The following INPP4A variants were observed in gnomAD, a reference collection of about 807,000 sequenced individuals.
INPP4A encodes the protein inositol polyphosphate-4-phosphatase, type I, 107kD.
In INPP4A, 33 loss-of-function variants were observed where a neutral mutation model predicts 119.8. The observed-to-expected ratio is 0.28, with a 90% CI of 0.21 to 0.37. The LOEUF is 0.37. Ranked by LOEUF, INPP4A falls within the 10% of genes least tolerant of loss-of-function variation. INPP4A has a pLI of 1.00. For missense variants in INPP4A, 956 were observed against 1,289.9 expected, an observed-to-expected ratio of 0.74 and a Z score of 3.97; for synonymous variants, 496 against 500.7, an observed-to-expected ratio of 0.99 and a Z score of 0.12.
At chr2:98,461,764 C>A (rs1697192695) in intron 1 of INPP4A, among the ~76,000 whole-genome samples, 9 of 152,208 alleles carry the variant, frequency 5.9e-5, no homozygotes, top group Admixed American at 5.9e-4. Context: ...TGGTGCCATG[C>A]TGCGTGCTCG....
chr2:98,554,259 GTGCACCTGCAGACAC>G lies in INPP4A; in HGVS notation c.1348-11_1351del. 6.3e-7 allele frequency: 1 copy of G among 1,587,154 alleles called. No individual in the cohort carries two copies. Among genetic ancestry groups the G allele is most frequent in the Non-Finnish European group, 8.6e-7 (1 of 1,166,742 alleles). ...CCTGGGCTCAGCAGCCTTGGTTTGT[GTGCACCTGCAGACAC>G]GGCAGCTGGTCACGGTCTGCGACTG... On this transcript the variant is annotated splice_acceptor_variant and splice_polypyrimidine_tract_variant and coding_sequence_variant and intron_variant, in exon 15 of 25. Coordinates refer to ENST00000409851, the MANE Select transcript of INPP4A (RefSeq NM_001134225.2). LOFTEE classifies it high-confidence loss of function. The surrounding 1 kb of genome is among the most constrained non-coding windows in gnomAD (Gnocchi z 4.7).
chr2:98,510,505 TG>T (rs1378634694), intron 1 of INPP4A, among the ~76,000 whole-genome samples: 1 of 152,322 alleles, frequency 6.6e-6, no homozygotes, highest in East Asian at 1.9e-4. Context: ...GACCTGTGGA[TG>T]TTGGGAAGGC....
chr2:98,484,622 T>C (rs1679172694), intron 1 of INPP4A, among the ~76,000 whole-genome samples: 1 of 152,172 alleles, frequency 6.6e-6, no homozygotes, highest in Non-Finnish European at 1.5e-5. Flanking sequence ...GCATACTTAC[T>C]ATAAAGGGTT....
chr2:98,550,006 G>T (rs1693213400), intron 13 of INPP4A, among the ~76,000 whole-genome samples: 1 of 152,102 alleles, frequency 6.6e-6, no homozygotes, highest in African/African-American at 2.4e-5. Flanking sequence ...GTTGAGTCTA[G>T]CGGGGCAGAG....
chr2:98,511,723 G>A lies in INPP4A; in HGVS notation c.-165-7241G>A, dbSNP rs191625772. Among the ~76,000 whole-genome samples the A allele has an allele frequency of 6.1e-3, 931 of 152,224 alleles. 20 individuals carry two copies. The highest frequency in any genetic ancestry group is 3.9e-3 in the Non-Finnish European group (263 of 68,024). On this transcript the variant is annotated intron_variant, in intron 1 of 24. Transcript: ENST00000409851. Reference sequence around the variant, plus strand: ...GTAGTCGTAACTTCATTTGACAGGCGAGGAAACTGATGCACAGAGATGGGA... The same window carrying A: ...GTAGTCGTAACTTCATTTGACAGGCAAGGAAACTGATGCACAGAGATGGGA...
chr2:98,588,491 T>C lies in INPP4A; in HGVS notation c.*883T>C. On this transcript the variant is annotated 3_prime_UTR_variant, in exon 25 of 25. Coordinates refer to ENST00000409851, the MANE Select transcript of INPP4A (RefSeq NM_001134225.2). ...TAGAGATAGTAGAAACCTAAATATTTTCAGAAAAAAAATTTTTTTTGCAGG... is the reference window on the plus strand; with the variant it reads ...TAGAGATAGTAGAAACCTAAATATTCTCAGAAAAAAAATTTTTTTTGCAGG... The C allele has an allele frequency of 4.7e-6, 1 of 212,830 alleles. No homozygotes were observed. The highest frequency in any genetic ancestry group is 9.5e-6 in the Non-Finnish European group (1 of 105,292). 13.2% of individuals were successfully genotyped at this position (212,830 alleles called of 1,614,324 possible).
rs182186041 is a variant in INPP4A, at chr2:98,465,365, G to C, written c.-166+20280G>C. On this transcript the variant is annotated intron_variant, in intron 1 of 24. Coordinates refer to ENST00000409851, the MANE Select transcript of INPP4A (RefSeq NM_001134225.2). ...TGTCACACGGCCCTCTCTTCTCTCC[G>C]AAATCTCCTGCCTTCATATAAGGAC... is the stretch of plus-strand genomic sequence containing the variant. Among the ~76,000 whole-genome samples, 417 of 152,236 alleles carry C rather than the reference G, an allele frequency of 2.7e-3. 3 individuals are homozygous for C. Among genetic ancestry groups the C allele is most frequent in the Non-Finnish European group, 5.1e-3 (350 of 68,026 alleles).
rs955934116 is a variant in INPP4A, at chr2:98,547,723, G to A, written c.1163+1029G>A. Among the ~76,000 whole-genome samples the A allele has an allele frequency of 3.9e-5, 6 of 152,006 alleles. 1 individual carries two copies. The highest frequency in any genetic ancestry group is 5.9e-5 in the Non-Finnish European group (4 of 67,986). ...ATGAGAGGAAAACAGTGTTAGAGCC[G>A]GGTTCTCACAGGATGGAAAGAGGCA... On this transcript the variant is annotated intron_variant, in intron 13 of 24. Coordinates refer to ENST00000409851, the MANE Select transcript of INPP4A (RefSeq NM_001134225.2).
chr2:98,544,829 A>G (rs1263784474), intron 11 of INPP4A, among the ~76,000 whole-genome samples: 1 of 152,258 alleles, frequency 6.6e-6, no homozygotes, highest in Non-Finnish European at 1.5e-5. Flanking sequence ...AGCCAAATGC[A>G]GGACTAACAA....
At chr2:98,524,140 C>T (rs1395855894) in intron 4 of INPP4A, among the ~76,000 whole-genome samples, 1 of 152,190 alleles carries the variant, frequency 6.6e-6, no homozygotes, top group African/African-American at 2.4e-5. Context: ...AACACTATCA[C>T]AGTGAACGTA....
At chr2:98,511,985 T>C (rs1380657233) in intron 1 of INPP4A, among the ~76,000 whole-genome samples, 1 of 152,074 alleles carries the variant, frequency 6.6e-6, no homozygotes, top group Non-Finnish European at 1.5e-5. Flanking sequence ...GGTAGGAAAG[T>C]TGGGTAAAAC....
chr2:98,581,722 T>C (rs1699337316), intron 24 of INPP4A: 2 of 1,613,090 alleles, frequency 1.2e-6, no homozygotes, highest in Non-Finnish European at 1.7e-6. Context: ...TTTCTGAGCA[T>C]AGCATACCTG....
intron 1 of INPP4A, among the ~76,000 whole-genome samples, chr2:98,476,470 G>A (rs1677227516): frequency 1.3e-5 from 2 of 152,198 alleles, no homozygotes; most frequent in East Asian, 3.8e-4. Context: ...CTCTGGGGAA[G>A]AGCTCTCCTT....
At chr2:98,561,814 T>TGTACTTCTTA (rs1393408199) in intron 17 of INPP4A, among the ~76,000 whole-genome samples, 1 of 152,256 alleles carries the variant, frequency 6.6e-6, no homozygotes, top group Non-Finnish European at 1.5e-5. Context: ...TAGAGAAGGA[T>TGTACTTCTTA]AGTCTTAAAG....
At chr2:98,563,365 A>T in intron 17 of INPP4A, 100 bp from the exon 18 acceptor site, 1 of 1,057,506 alleles carries the variant, frequency 9.5e-7, no homozygotes, top group Middle Eastern at 2.1e-4. Flanking sequence ...GGGGAGTGGG[A>T]GGACTGCAGT....
Position 98,462,505 on chromosome 2 carries a change from C to T in INPP4A, c.-166+17420C>T, listed in dbSNP as rs144396845. Among the ~76,000 whole-genome samples, 100 of 151,892 alleles carry T rather than the reference C, an allele frequency of 6.6e-4. 1 individual carries two copies. Among genetic ancestry groups the T allele is most frequent in the African/African-American group, 2.3e-3 (94 of 41,464 alleles). On this transcript the variant is annotated intron_variant, in intron 1 of 24. Coordinates refer to ENST00000409851, the MANE Select transcript of INPP4A (RefSeq NM_001134225.2). ...TAAAATATTACCTTCTAGTTACACA[C>T]AGACCTTTTATTTTTTTAATTATTA...
At chr2:98,517,002 C>A (rs1184236579) in intron 1 of INPP4A, among the ~76,000 whole-genome samples, 2 of 152,032 alleles carry the variant, frequency 1.3e-5, no homozygotes, top group Admixed American at 1.3e-4. Flanking sequence ...TAAAAATCAC[C>A]TGTGTACAGC....
At chr2:98,525,989 A>G (rs1273933682) in intron 4 of INPP4A, among the ~76,000 whole-genome samples, 1 of 152,250 alleles carries the variant, frequency 6.6e-6, no homozygotes, top group Admixed American at 6.5e-5. Context: ...AGTGTTCACA[A>G]AAAGACATGA....
intron 3 of INPP4A, among the ~76,000 whole-genome samples, 168 bp downstream of exon 3, chr2:98,520,322 A>G (rs1686942906): frequency 6.6e-6 from 1 of 152,146 alleles, no homozygotes; most frequent in Non-Finnish European, 1.5e-5. Flanking sequence ...GGGAAGGGGG[A>G]TGTCAGCCCT....
Sources: allele counts gnomAD v4.1 joint callset (sites outside exome capture counted in the v4.1 genomes callset), GRCh38; gene constraint gnomAD v4.1.1; non-coding constraint Gnocchi (gnomAD v3.1); transcripts MANE v1.5; gene names NCBI Gene and HGNC (gene_info 2026-07-23, HGNC 2026-07-21).